RBFOX1: variants seen among roughly 807,000 people sequenced by gnomAD.
RBFOX1 encodes RNA binding protein fox-1 homolog 1.
RBFOX1 carries 8 observed loss-of-function variants against 57.7 expected under a neutral mutation model. That is an observed-to-expected ratio of 0.14 (90% CI 0.08 to 0.25). RBFOX1 has a LOEUF of 0.25. Ranked by LOEUF, RBFOX1 falls within the 10% of genes least tolerant of loss-of-function variation. The probability of loss-of-function intolerance (pLI) is 1.00; values close to 1 mark genes in which losing one functional copy is unlikely to be tolerated. For synonymous variants in RBFOX1, 326 were observed against 222.4 expected, an observed-to-expected ratio of 1.47 and a Z score of -4.15; for missense variants, 611 against 548.5, an observed-to-expected ratio of 1.11 and a Z score of -1.14.
At chr16:7,344,101 CT>C (rs61008217) in intron 4 of RBFOX1, among the ~76,000 whole-genome samples, 1,843 of 90,512 alleles carry the variant, frequency 0.02, 34 homozygotes, top group African/African-American at 0.066. Context: ...CTCAGCTTTA[CT>C]TTTTTTTTTT....
chr16:5,839,481 C>G (rs1025449300), intron 3 of RBFOX1, among the ~76,000 whole-genome samples: 2 of 152,164 alleles, frequency 1.3e-5, no homozygotes, highest in Admixed American at 1.3e-4. Context: ...TTCCCATAAG[C>G]CCTTCCAGTA....
intron 2 of RBFOX1, among the ~76,000 whole-genome samples, chr16:6,543,678 A>G (rs1162411520): frequency 1.3e-5 from 2 of 152,106 alleles, no homozygotes; most frequent in African/African-American, 2.4e-5. Flanking sequence ...GCAGGGGAGG[A>G]GAGAGGAGAA....
chr16:7,159,446 T>C (rs1204019683), intron 4 of RBFOX1, among the ~76,000 whole-genome samples: 1 of 152,104 alleles, frequency 6.6e-6, no homozygotes, highest in Non-Finnish European at 1.5e-5. Context: ...TAGAGATCAG[T>C]ATCCAGGATT....
chr16:6,705,149 G>A (rs2062504128), intron 3 of RBFOX1: 1 of 152,218 alleles, frequency 6.6e-6, no homozygotes, highest in African/African-American at 2.4e-5. Context: ...ATGTTTCAGT[G>A]AGATGAGCGT....
At position 6,641,074 on chromosome 16, in the gene RBFOX1, G is replaced by T. The variant is rs745963148; in HGVS notation, c.-63-13529G>T. On this transcript the variant is annotated intron_variant, in intron 2 of 15. Coordinates refer to ENST00000550418, the MANE Select transcript of RBFOX1 (RefSeq NM_018723.4). The stretch of plus-strand genomic sequence containing the variant: ...TCCCACTTTCCCGATCTTCACTTCA[G>T]TTGCTTAAATGGAGTGCACTAAACC... 7.4e-4 allele frequency among the ~76,000 whole-genome samples: 113 copies of T among 152,318 alleles called. 1 individual carries two copies. The highest frequency in any genetic ancestry group is 2.7e-3 in the African/African-American group (112 of 41,570).
At chr16:6,187,715 G>A (rs2097113965) in intron 1 of RBFOX1, among the ~76,000 whole-genome samples, 1 of 152,142 alleles carries the variant, frequency 6.6e-6, no homozygotes, top group East Asian at 1.9e-4. Context: ...ACCTTACTTG[G>A]TAACTGCTTG....
chr16:7,318,174 A>G (rs566770781), intron 4 of RBFOX1, among the ~76,000 whole-genome samples: 1 of 151,410 alleles, frequency 6.6e-6, no homozygotes, highest in African/African-American at 2.4e-5. Flanking sequence ...GGTGGTAATG[A>G]TGGTGATGGT....
chr16:7,127,223 A>G (rs889908917), intron 4 of RBFOX1, among the ~76,000 whole-genome samples: 1 of 152,190 alleles, frequency 6.6e-6, no homozygotes, highest in Non-Finnish European at 1.5e-5. Flanking sequence ...TAAAATCGTT[A>G]TTCAGCATTC....
chr16:6,868,261 A>G (rs1180335360), intron 3 of RBFOX1, among the ~76,000 whole-genome samples: 1 of 152,192 alleles, frequency 6.6e-6, no homozygotes, highest in Admixed American at 6.5e-5. Context: ...CAGTGGACAC[A>G]GGAAGTGGCT....
chr16:5,951,864 G>A (rs1332619901), intron 4 of RBFOX1, among the ~76,000 whole-genome samples: 1 of 150,932 alleles, frequency 6.6e-6, no homozygotes, highest in Non-Finnish European at 1.5e-5. Context: ...GTGTGTGTGT[G>A]TATATATGTG....
At chr16:6,958,452 C>A (rs1159576859) in intron 3 of RBFOX1, among the ~76,000 whole-genome samples, 1 of 152,134 alleles carries the variant, frequency 6.6e-6, no homozygotes, top group East Asian at 1.9e-4. Context: ...GACCTTCTCG[C>A]AATTCCTCGG....
intron 3 of RBFOX1, among the ~76,000 whole-genome samples, chr16:6,767,189 C>A (rs1603618061): frequency 6.6e-6 from 1 of 152,088 alleles, no homozygotes; most frequent in Non-Finnish European, 1.5e-5. Context: ...GGGTATGGAA[C>A]CTAAACCTAG....
chr16:5,933,522 T>G (rs1555450114), intron 4 of RBFOX1, among the ~76,000 whole-genome samples: 1 of 152,226 alleles, frequency 6.6e-6, no homozygotes, highest in Non-Finnish European at 1.5e-5. Context: ...GAAAAACGGA[T>G]GCTCCTGCAG....
chr16:6,407,656 A>G (rs2093335015), intron 2 of RBFOX1, among the ~76,000 whole-genome samples: 1 of 152,044 alleles, frequency 6.6e-6, no homozygotes, highest in Non-Finnish European at 1.5e-5. Flanking sequence ...GTTTTGACTT[A>G]TAGTTCCCAG....
chr16:7,357,385 T>A (rs551345198), intron 4 of RBFOX1, among the ~76,000 whole-genome samples: 1 of 152,208 alleles, frequency 6.6e-6, no homozygotes, highest in African/African-American at 2.4e-5. Flanking sequence ...ATCAGAAGCA[T>A]TGATTAAGCT....
intron 1 of RBFOX1, among the ~76,000 whole-genome samples, chr16:6,075,742 C>A (rs115944654): frequency 4.3e-4 from 65 of 152,216 alleles, no homozygotes; most frequent in African/African-American, 1.5e-3. Flanking sequence ...AATCAAAGTC[C>A]CAGAAGGAAC....
intron 1 of RBFOX1, among the ~76,000 whole-genome samples, chr16:6,070,522 A>C (rs953269388): frequency 2.0e-5 from 3 of 152,156 alleles, no homozygotes; most frequent in African/African-American, 7.2e-5. Context: ...ACAAGAAGTC[A>C]CTCTTGTTTT....
At chr16:5,486,492 G>A (rs1264331532) in intron 2 of RBFOX1, among the ~76,000 whole-genome samples, 1 of 152,202 alleles carries the variant, frequency 6.6e-6, no homozygotes, top group Non-Finnish European at 1.5e-5. Context: ...TTGGGTAGAT[G>A]GGGAAGCCGG....
chr16:6,804,562 G>T (rs1357972916), intron 3 of RBFOX1, among the ~76,000 whole-genome samples: 5 of 152,032 alleles, frequency 3.3e-5, no homozygotes, highest in Non-Finnish European at 5.9e-5. Flanking sequence ...TATTGTATGT[G>T]GCTACTGTGG....
Sources: gnomAD v4.1 joint callset for allele counts (sites outside exome capture counted in the v4.1 genomes callset) on GRCh38, gnomAD v4.1.1 for gene constraint, MANE v1.5 for transcripts, NCBI Gene and HGNC (gene_info 2026-07-23, HGNC 2026-07-21) for gene names.